GABRR3: variants seen among roughly 807,000 people sequenced by gnomAD.
GABRR3 encodes the protein gamma-aminobutyric acid receptor subunit rho-3.
In GABRR3, 29 loss-of-function variants were observed where a neutral mutation model predicts 43.2. The ratio of observed to expected loss-of-function variants is 0.67; its 90% CI spans 0.50 to 0.92. The LOEUF (loss-of-function observed/expected upper bound fraction) is 0.92. Among genes scored for constraint, GABRR3 ranks in the 40% least tolerant of loss-of-function variants. The pLI, the probability that GABRR3 is intolerant of heterozygous loss-of-function variation, is 0.00. For synonymous variants in GABRR3, 206 were observed against 195.9 expected, an observed-to-expected ratio of 1.05 and a Z score of -0.43; for missense variants, 576 against 572.3, an observed-to-expected ratio of 1.01 and a Z score of -0.07.
Position 98,025,566 on chromosome 3 carries a change from C to T in GABRR3, c.238+1G>A, listed in dbSNP as rs371070857. 26 of 1,596,012 alleles carry T rather than the reference C, an allele frequency of 1.6e-5. No individual in the cohort carries two copies. Among genetic ancestry groups the T allele is most frequent in the Non-Finnish European group, 2.1e-5 (24 of 1,167,906 alleles). On this transcript the variant is annotated splice_donor_variant, in intron 3 of 9. Transcript: ENST00000621172. LOFTEE classifies it high-confidence loss of function. ...ATGAATTTTGAGAGGATAATACTCACCTCCAAATCCAGGTCTCATTGCGAA... is the reference window on the plus strand; with the variant it reads ...ATGAATTTTGAGAGGATAATACTCATCTCCAAATCCAGGTCTCATTGCGAA...
chr3:98,033,178 C>CG (rs1215831144), intron 2 of GABRR3, among the ~76,000 whole-genome samples: 1 of 152,012 alleles, frequency 6.6e-6, no homozygotes, highest in Non-Finnish European at 1.5e-5. Flanking sequence ...ATCTCCAGTG[C>CG]CCTGGAGGGT....
chr3:98,014,899 AC>A (rs1706855178), intron 4 of GABRR3, among the ~76,000 whole-genome samples: 1 of 152,244 alleles, frequency 6.6e-6, no homozygotes, highest in Non-Finnish European at 1.5e-5. Flanking sequence ...TTGCATTATT[AC>A]AAAAATAATA....
chr3:97,987,065 A>G, intron 9 of GABRR3, 83 bp from the exon 10 acceptor site: 1 of 973,246 alleles, frequency 1.0e-6, no homozygotes, highest in Non-Finnish European at 1.5e-6. Context: ...AATAAAGTTA[A>G]ATATGATTTA....
At chr3:98,032,171 T>C (rs766357165) in intron 2 of GABRR3, among the ~76,000 whole-genome samples, 23 of 152,138 alleles carry the variant, frequency 1.5e-4, no homozygotes, top group Non-Finnish European at 2.5e-4. Context: ...TAGACCTAAA[T>C]AACCTCAAGA....
At chr3:98,015,555 C>A (rs1402601863) in intron 4 of GABRR3, among the ~76,000 whole-genome samples, 1 of 152,114 alleles carries the variant, frequency 6.6e-6, no homozygotes, top group Non-Finnish European at 1.5e-5. Context: ...AAATTCAAAC[C>A]AAATACAAAA....
At chr3:98,002,507 G>A (rs555064372) in intron 7 of GABRR3, among the ~76,000 whole-genome samples, 1 of 152,092 alleles carries the variant, frequency 6.6e-6, no homozygotes, top group Non-Finnish European at 1.5e-5. Context: ...ACATCTACAG[G>A]ACTTCTCTGA....
intron 9 of GABRR3, among the ~76,000 whole-genome samples, chr3:97,991,745 G>C (rs1293915730): frequency 6.6e-6 from 1 of 152,154 alleles, no homozygotes; most frequent in African/African-American, 2.4e-5. Context: ...TGACAGGAAG[G>C]TTCGGTGTGA....
At chr3:98,002,917 T>C (rs900883142) in intron 7 of GABRR3, among the ~76,000 whole-genome samples, 23 of 152,134 alleles carry the variant, frequency 1.5e-4, no homozygotes, top group African/African-American at 5.5e-4. Context: ...CTTAGGCATT[T>C]GGCCTAAGAA....
intron 3 of GABRR3, among the ~76,000 whole-genome samples, chr3:98,019,061 G>T (rs1706906169): frequency 6.6e-6 from 1 of 150,718 alleles, no homozygotes; most frequent in Admixed American, 6.6e-5. Flanking sequence ...AGTGAGCTGA[G>T]ATGGCGCCCC....
rs868637907 is a variant in GABRR3 at position 98,019,066 on chromosome 3, C to T, written c.239-1344G>A. 2.5e-4 allele frequency among the ~76,000 whole-genome samples: 38 copies of T among 150,350 alleles called. 1 individual carries two copies. In the South Asian group the frequency reaches 5.7e-3, roughly 22 times the overall value. ...CAGGGGCTGCAGTGAGCTGAGATGG[C>T]GCCCCTGCACTCCAGTCTGGGTGAC... On this transcript the variant is annotated intron_variant, in intron 3 of 9. Transcript: ENST00000621172.
intron 2 of GABRR3, among the ~76,000 whole-genome samples, chr3:98,031,734 C>T (rs901740402): frequency 5.3e-5 from 8 of 151,728 alleles, no homozygotes; most frequent in Admixed American, 2.6e-4. Context: ...GAGAACAAGA[C>T]CTTGTTTCAG....
downstream of GABRR3, among the ~76,000 whole-genome samples, chr3:97,986,226 T>C (rs1387006109): frequency 2.0e-5 from 3 of 152,186 alleles, no homozygotes; most frequent in Non-Finnish European, 4.4e-5. Flanking sequence ...AGATCCTTCA[T>C]AGGATTCTCA....
At chr3:98,019,065 G>A (rs1262673267) in intron 3 of GABRR3, among the ~76,000 whole-genome samples, 1 of 151,676 alleles carries the variant, frequency 6.6e-6, no homozygotes. Context: ...AGCTGAGATG[G>A]CGCCCCTGCA....
intron 5 of GABRR3, 35 bp from the exon 6 acceptor site, chr3:98,009,073 C>A (rs1382792053): frequency 2.2e-6 from 3 of 1,372,670 alleles, no homozygotes; most frequent in South Asian, 1.2e-5. Context: ...AACTGCAGAT[C>A]ATTTAACCAT....
intron 8 of GABRR3, chr3:98,000,666 C>T (rs1706626531): frequency 6.6e-6 from 1 of 152,042 alleles, no homozygotes. Flanking sequence ...CATTAACTTA[C>T]AAACCACCCT....
At chr3:98,020,870 CTT>C (rs59070712) in intron 3 of GABRR3, among the ~76,000 whole-genome samples, 47,279 of 116,952 alleles carry the variant, frequency 0.4, 8,163 homozygotes, top group East Asian at 0.5. Flanking sequence ...TTTTCTTTTT[CTT>C]TTTTTTTTTT....
intron 8 of GABRR3, among the ~76,000 whole-genome samples, chr3:97,996,048 A>G (rs1273814773): frequency 6.6e-6 from 1 of 152,116 alleles, no homozygotes; most frequent in Non-Finnish European, 1.5e-5. Flanking sequence ...TCTGGGGGGA[A>G]TTAATAATCT....
At chr3:98,019,203 T>A (rs1706907829) in intron 3 of GABRR3, among the ~76,000 whole-genome samples, 3 of 151,984 alleles carry the variant, frequency 2.0e-5, no homozygotes, top group Admixed American at 6.6e-5. Flanking sequence ...AGGAGTCAAG[T>A]CTGAAAAGCT....
chr3:97,998,809 GA>G (rs1265720906), intron 8 of GABRR3: 4 of 152,002 alleles, frequency 2.6e-5, no homozygotes, highest in African/African-American at 7.2e-5. Context: ...TTTTGTTTTA[GA>G]AAAAATAATT....
Sources: allele counts gnomAD v4.1 joint callset (sites outside exome capture counted in the v4.1 genomes callset), GRCh38; gene constraint gnomAD v4.1.1; transcripts MANE v1.5; gene names NCBI Gene and HGNC (gene_info 2026-07-23, HGNC 2026-07-21).